The following COG6 variants were observed in gnomAD, a reference collection of about 807,000 sequenced individuals.
The protein encoded by COG6 is conserved oligomeric Golgi complex subunit 6.
Under a neutral mutation model 88.8 loss-of-function variants are expected in COG6, and 74 were observed. That is an observed-to-expected ratio of 0.83 (90% CI 0.69 to 1.01). COG6 has a LOEUF of 1.01. COG6 is among the 50% of genes least tolerant of loss of function. The pLI, the probability that COG6 is intolerant of heterozygous loss-of-function variation, is 0.00. For synonymous variants in COG6, 286 were observed against 278.7 expected (o/e 1.03, Z -0.26); for missense variants, 800 against 797.9 (o/e 1.00, Z -0.03).
chr13:39,684,242 G>GTTTTTTTTTTTTTTTTT (rs1593423136), intron 8 of COG6, among the ~76,000 whole-genome samples: 1 of 44,768 alleles, frequency 2.2e-5, no homozygotes, highest in Non-Finnish European at 4.3e-5. Flanking sequence ...CAATTTGGAA[G>GTTTTTTTTTTTTTTTTT]ATTTTTTTTT....
At chr13:39,733,931 A>G (rs1288966273) in intron 18 of COG6, among the ~76,000 whole-genome samples, 1 of 152,174 alleles carries the variant, frequency 6.6e-6, no homozygotes, top group Non-Finnish European at 1.5e-5. Flanking sequence ...ATAGTAGCCT[A>G]TAATGAGCCT....
At chr13:39,770,625 T>C (rs1881293698) in intron 18 of COG6, among the ~76,000 whole-genome samples, 1 of 152,204 alleles carries the variant, frequency 6.6e-6, no homozygotes, top group Non-Finnish European at 1.5e-5. Context: ...TCAGTGCTAT[T>C]TAATTTAATC....
At chr13:39,661,269 A>C (rs1874882891) in intron 3 of COG6, among the ~76,000 whole-genome samples, 1 of 152,210 alleles carries the variant, frequency 6.6e-6, no homozygotes, top group Non-Finnish European at 1.5e-5. Context: ...TAACCTTAAA[A>C]AATTCTGGGA....
At chr13:39,702,095 A>G (rs1049636671) in intron 13 of COG6, among the ~76,000 whole-genome samples, 3 of 152,058 alleles carry the variant, frequency 2.0e-5, no homozygotes. Context: ...TGAAAATCAG[A>G]ATAAGATGAA....
chr13:39,730,984 G>A (rs558586011), intron 18 of COG6, among the ~76,000 whole-genome samples: 1 of 151,402 alleles, frequency 6.6e-6, no homozygotes, highest in African/African-American at 2.4e-5. Context: ...ACCACTCCTG[G>A]CTGATTTTTG....
Position 39,751,951 on chromosome 13 carries a change from C to T in COG6, c.*858C>T, listed in dbSNP as rs1880658606. 24 of 1,220,742 alleles carry T rather than the reference C, an allele frequency of 2.0e-5. No individual in the cohort carries two copies. Among genetic ancestry groups the T allele is most frequent in the Non-Finnish European group, 2.5e-5 (23 of 928,508 alleles). The allele number at this position is 1,220,742 out of a possible 1,614,324, so 75.6% of individuals were successfully genotyped here. A position where few individuals can be genotyped will look rare whatever the true frequency, so the allele number is the denominator to read the frequency against. ...CCAACTACACATTTTATCTGGTGTTCAAACCAAAGAAACAATGATCTACTC... is the reference window on the plus strand; with the variant it reads ...CCAACTACACATTTTATCTGGTGTTTAAACCAAAGAAACAATGATCTACTC... On this transcript the variant is annotated 3_prime_UTR_variant, in exon 19 of 19. Transcript: ENST00000455146.
At chr13:39,734,851 T>G (rs1879649509) in intron 18 of COG6, among the ~76,000 whole-genome samples, 1 of 152,226 alleles carries the variant, frequency 6.6e-6, no homozygotes, top group Admixed American at 6.5e-5. Context: ...CATTATATAC[T>G]GAACTTGTTT....
At chr13:39,676,182 C>T (rs1252722513) in intron 4 of COG6, among the ~76,000 whole-genome samples, 1 of 152,016 alleles carries the variant, frequency 6.6e-6, no homozygotes, top group Non-Finnish European at 1.5e-5. Context: ...GTCCCCTTCT[C>T]CCCACTATCT....
intron 13 of COG6, among the ~76,000 whole-genome samples, chr13:39,707,219 C>T (rs1292020049): frequency 1.3e-5 from 2 of 151,334 alleles, no homozygotes; most frequent in Non-Finnish European, 2.9e-5. Context: ...GCTTCTGCCT[C>T]CCGGGTTCAA....
At chr13:39,722,592 C>G (rs1878903869) in intron 15 of COG6, among the ~76,000 whole-genome samples, 1 of 148,314 alleles carries the variant, frequency 6.7e-6, no homozygotes, top group African/African-American at 2.5e-5. Flanking sequence ...GAAGGAAGAC[C>G]TCTAGACTCA....
intron 18 of COG6, chr13:39,788,287 A>C (rs1393673406): frequency 1.3e-6 from 2 of 1,547,724 alleles, no homozygotes; most frequent in Non-Finnish European, 1.7e-6. Flanking sequence ...AAAGCAGGAA[A>C]CTGCACCATC....
At chr13:39,727,996 C>T (rs1879228012) in intron 18 of COG6, among the ~76,000 whole-genome samples, 3 of 151,942 alleles carry the variant, frequency 2.0e-5, no homozygotes, top group Non-Finnish European at 2.9e-5. Context: ...ATTCAGGACA[C>T]CAAATCATAC....
At chr13:39,658,271 G>C (rs1290996765) in intron 1 of COG6, among the ~76,000 whole-genome samples, 1 of 151,820 alleles carries the variant, frequency 6.6e-6, no homozygotes, top group Non-Finnish European at 1.5e-5. Flanking sequence ...AGCCTCCCAG[G>C]TAGCTGGGTC....
chr13:39,658,964 C>A (rs904656609), intron 1 of COG6, among the ~76,000 whole-genome samples: 1 of 152,204 alleles, frequency 6.6e-6, no homozygotes, highest in African/African-American at 2.4e-5. Flanking sequence ...AAGTTTTTAA[C>A]TGTTGGTATT....
intron 18 of COG6, among the ~76,000 whole-genome samples, chr13:39,746,087 G>T (rs894853404): frequency 6.6e-6 from 1 of 151,928 alleles, no homozygotes; most frequent in Non-Finnish European, 1.5e-5. Flanking sequence ...CTGTCATGGG[G>T]TGGGGAGTAG....
At chr13:39,756,878 A>G (rs1039716889), downstream of COG6, among the ~76,000 whole-genome samples, 6 of 152,182 alleles carry the variant, frequency 3.9e-5, no homozygotes, top group African/African-American at 1.4e-4. Context: ...GTGATTGCTC[A>G]ACGGAGTACT....
intron 12 of COG6, among the ~76,000 whole-genome samples, chr13:39,698,676 CA>C (rs973420634): frequency 2.6e-5 from 4 of 151,878 alleles, no homozygotes; most frequent in African/African-American, 9.7e-5. Context: ...TCATCTTTAA[CA>C]ATCTAAAATT....
chr13:39,717,226 A>C (rs919777958), intron 13 of COG6, among the ~76,000 whole-genome samples: 2 of 151,558 alleles, frequency 1.3e-5, no homozygotes, highest in African/African-American at 4.8e-5. Context: ...ATAGTGAGTT[A>C]TTTCTTTTTA....
At chr13:39,656,062 C>A (rs1874467722) in intron 1 of COG6, 183 bp downstream of exon 1, 2 of 771,024 alleles carry the variant, frequency 2.6e-6, no homozygotes, top group Admixed American at 4.0e-5. Context: ...GGGGGAGCCC[C>A]AGCAACCTCC....
Sources: gnomAD v4.1 joint callset for allele counts (sites outside exome capture counted in the v4.1 genomes callset) on GRCh38, gnomAD v4.1.1 for gene constraint, MANE v1.5 for transcripts, NCBI Gene and HGNC (gene_info 2026-07-23, HGNC 2026-07-21) for gene names.